WNT7B: variants seen among roughly 807,000 people sequenced by gnomAD.
WNT7B encodes protein Wnt-7b.
In WNT7B, 19 loss-of-function variants were observed where a neutral mutation model predicts 38.2. That is an observed-to-expected ratio of 0.50 (90% CI 0.35 to 0.73). The LOEUF is 0.73. WNT7B is among the 30% of genes least tolerant of loss of function. WNT7B has a pLI of 0.01. For synonymous variants in WNT7B, 243 were observed against 209.3 expected (o/e 1.16, Z -1.39); for missense variants, 423 against 507.9 (o/e 0.83, Z 1.61).
intron 2 of WNT7B, among the ~76,000 whole-genome samples, chr22:45,934,987 G>T (rs949415418): frequency 6.6e-6 from 1 of 152,154 alleles, no homozygotes; most frequent in Admixed American, 6.5e-5. Flanking sequence ...AACAGCCCAC[G>T]GGGGAGGGCC....
chr22:45,972,224 G>A (rs1932461473), intron 1 of WNT7B: 2 of 648,378 alleles, frequency 3.1e-6, no homozygotes, highest in Non-Finnish European at 5.7e-6. Flanking sequence ...GCTGCGCGGC[G>A]ACAGTAGAAG....
intron 1 of WNT7B, among the ~76,000 whole-genome samples, chr22:45,971,464 C>A (rs1441520703): frequency 1.3e-5 from 2 of 152,200 alleles, no homozygotes; most frequent in African/African-American, 4.8e-5. Context: ...CTCAGAGCCC[C>A]GTGGGCTCTG....
At position 45,951,782 on chromosome 22, in the gene WNT7B, C is replaced by T. The variant is rs996059892; in HGVS notation, c.72-1636G>A. 2.6e-5 allele frequency among the ~76,000 whole-genome samples: 4 copies of T among 152,214 alleles called. No individual in the cohort carries two copies. The highest frequency in any genetic ancestry group is 1.9e-4 in the East Asian group (1 of 5,190). On this transcript the variant is annotated intron_variant, in intron 1 of 3. Coordinates refer to ENST00000339464, the MANE Select transcript of WNT7B (RefSeq NM_058238.3). This position sits in a 1 kb window ranked among gnomAD's most constrained non-coding sequence, Gnocchi z 4.8. ...ACAGACCATATTTTGTGTATCCATT[C>T]ATGGCTGGGCATTTCGGCTGCTTCC...
Position 45,950,008 on chromosome 22 carries a change from G to C in WNT7B, c.210C>G (p.Ile70Met). 1 of 1,614,024 alleles carries C rather than the reference G, an allele frequency of 6.2e-7. No individual in the cohort carries two copies. Among genetic ancestry groups the C allele is most frequent in the Non-Finnish European group, 8.5e-7 (1 of 1,180,040 alleles). Residue 70 changes from isoleucine to methionine, a missense_variant, in exon 2 of 4, where the codon ATC becomes ATG. Coordinates refer to ENST00000339464, the MANE Select transcript of WNT7B (RefSeq NM_058238.3). Reference sequence around the variant, plus strand: ...AGCGGAACTGGTACTGGCACTCGTTGATGCCCATCTGCGCCCCCTCCCCAA... The same window carrying C: ...AGCGGAACTGGTACTGGCACTCGTTCATGCCCATCTGCGCCCCCTCCCCAA... ...IVIGEGAQMGINECQYQFRFG... is the reference protein window; with the variant it reads ...IVIGEGAQMGMNECQYQFRFG...
chr22:45,958,209 T>C (rs573682929), intron 1 of WNT7B, among the ~76,000 whole-genome samples: 9 of 152,302 alleles, frequency 5.9e-5, no homozygotes, highest in Admixed American at 1.3e-4. Flanking sequence ...GTGGCCCCTC[T>C]GGCTAAGACC....
In WNT7B at chr22:45,929,672, CCTTCCCTCCATA is replaced by C. The variant is rs997362693; in HGVS notation, c.570+1414_570+1425del. ...TCCATCCTTCCACCCACCCGCCCAT[CCTTCCCTCCATA>C]CTTCCATCCACCCATCTTTCCATCC... is the stretch of plus-strand genomic sequence containing the variant. On this transcript the variant is annotated intron_variant, in intron 3 of 3. Coordinates refer to ENST00000339464, the MANE Select transcript of WNT7B (RefSeq NM_058238.3). Among the ~76,000 whole-genome samples, 79 of 142,872 alleles carry C rather than the reference CCTTCCCTCCATA, an allele frequency of 5.5e-4. 2 individuals carry two copies. Among genetic ancestry groups the C allele is most frequent in the African/African-American group, 2.0e-3 (69 of 34,954 alleles). The allele number at this position is 142,872 out of a possible 152,430, so 93.7% of individuals were successfully genotyped here. A position where few individuals can be genotyped will look rare whatever the true frequency, so the allele number is the denominator to read the frequency against.
rs563993221 is a variant in WNT7B, at chr22:45,957,282, A to G, written c.72-7136T>C. On this transcript the variant is annotated intron_variant, in intron 1 of 3. Coordinates refer to ENST00000339464, the MANE Select transcript of WNT7B (RefSeq NM_058238.3). ...TCCACTTGAGATTTCTGTGCTTTAC[A>G]TAAGTTATATCTCAGCATAAAAGTA... is the stretch of plus-strand genomic sequence containing the variant. Among the ~76,000 whole-genome samples, 12 of 152,260 alleles carry G rather than the reference A, an allele frequency of 7.9e-5. No homozygotes were observed. In the East Asian group the frequency reaches 2.1e-3, roughly 27 times the overall value.
intron 3 of WNT7B, 63 bp from the exon 4 acceptor site, chr22:45,923,398 C>G: frequency 6.5e-7 from 1 of 1,529,762 alleles, no homozygotes; most frequent in East Asian, 2.3e-5. Flanking sequence ...CTAGGTTCCC[C>G]TACCCCTGCC....
At chr22:45,964,376 C>T (rs1049810784) in intron 1 of WNT7B, among the ~76,000 whole-genome samples, 4 of 152,110 alleles carry the variant, frequency 2.6e-5, no homozygotes, top group African/African-American at 9.7e-5. Flanking sequence ...GTGATGGGGC[C>T]GAACAAGCGC....
At chr22:45,936,079 C>T (rs1247487214) in intron 2 of WNT7B, 2 of 985,268 alleles carry the variant, frequency 2.0e-6, no homozygotes, top group African/African-American at 3.5e-5. Context: ...TCTGGCCACC[C>T]CTCACCCCAC....
intron 1 of WNT7B, among the ~76,000 whole-genome samples, chr22:45,960,727 C>T (rs943130501): frequency 6.6e-6 from 1 of 152,244 alleles, no homozygotes; most frequent in East Asian, 1.9e-4. Flanking sequence ...CCTGGGTCCA[C>T]CCATCCAGGA....
intron 2 of WNT7B, 33 bp from the exon 3 acceptor site, chr22:45,931,402 C>T (rs1208520900): frequency 5.8e-6 from 9 of 1,548,502 alleles, no homozygotes; most frequent in South Asian, 1.2e-5. Context: ...AAGGTGAGAC[C>T]CCAGGCCCTG....
chr22:45,935,896 C>G (rs1380868571), intron 2 of WNT7B: 2 of 985,088 alleles, frequency 2.0e-6, no homozygotes, highest in Non-Finnish European at 2.4e-6. Flanking sequence ...GAGGGCAGCA[C>G]GGATGCTCTG....
chr22:45,931,524 C>G (rs554084770), intron 2 of WNT7B, among the ~76,000 whole-genome samples, 155 bp from the exon 3 acceptor site: 1 of 152,160 alleles, frequency 6.6e-6, no homozygotes, highest in Non-Finnish European at 1.5e-5. Context: ...CTCACCAAAG[C>G]GGGGCTGATG....
Position 45,921,151 on chromosome 22 carries a change from G to C in WNT7B, c.*1705C>G. 6.6e-6 allele frequency: 1 copy of C among 152,536 alleles called. No homozygotes were observed. Among genetic ancestry groups the C allele is most frequent in the East Asian group, 1.9e-4 (1 of 5,180 alleles). 9.4% of individuals were successfully genotyped at this position (152,536 alleles called of 1,614,324 possible). A position where few individuals can be genotyped will look rare whatever the true frequency, so the allele number is the denominator to read the frequency against. On this transcript the variant is annotated 3_prime_UTR_variant, in exon 4 of 4. Transcript: ENST00000339464. Reference sequence around the variant, plus strand: ...AAATGGGGGCCAGGCCGTGGGCAGTGGGGGTGCACCAGGAGCCAGCTGCAG... The same window carrying C: ...AAATGGGGGCCAGGCCGTGGGCAGTCGGGGTGCACCAGGAGCCAGCTGCAG...
intron 1 of WNT7B, among the ~76,000 whole-genome samples, chr22:45,964,843 C>T (rs981578565): frequency 2.6e-5 from 4 of 152,166 alleles, no homozygotes; most frequent in African/African-American, 9.7e-5. Context: ...CCTGGCCAAG[C>T]ACACTCCCTT....
At chr22:45,962,093 A>ATTCCTGGC (rs2146745932) in intron 1 of WNT7B, among the ~76,000 whole-genome samples, 1 of 128,928 alleles carries the variant, frequency 7.8e-6, no homozygotes, top group African/African-American at 2.9e-5. Flanking sequence ...CATAGCTGGC[A>ATTCCTGGC]TTCCTGGCCT....
intron 3 of WNT7B, among the ~76,000 whole-genome samples, chr22:45,928,815 A>C (rs1251170529): frequency 6.6e-6 from 1 of 152,104 alleles, no homozygotes; most frequent in Non-Finnish European, 1.5e-5. Context: ...CCAGAGACCA[A>C]CACCACCCTA....
chr22:45,941,509 CA>C (rs1166391533), intron 2 of WNT7B, among the ~76,000 whole-genome samples: 12,219 of 79,232 alleles, frequency 0.15, 1,051 homozygotes, highest in African/African-American at 0.3. Flanking sequence ...GCCTTTGTCT[CA>C]AAAAAAAAAA....
Sources: allele counts gnomAD v4.1 joint callset (sites outside exome capture counted in the v4.1 genomes callset), GRCh38; gene constraint gnomAD v4.1.1; non-coding constraint Gnocchi (gnomAD v3.1); transcripts MANE v1.5; gene names NCBI Gene and HGNC (gene_info 2026-07-23, HGNC 2026-07-21).